Variants in MAN2B2 observed in about 807,000 individuals in gnomAD.
MAN2B2 encodes mannosidase alpha class 2B member 2.
Under a neutral mutation model 117.1 loss-of-function variants are expected in MAN2B2, and 106 were observed. The ratio of observed to expected loss-of-function variants is 0.90; its 90% CI spans 0.77 to 1.06. The LOEUF (loss-of-function observed/expected upper bound fraction) is 1.06. Among genes scored for constraint, MAN2B2 ranks in the 50% least tolerant of loss-of-function variants. The probability of loss-of-function intolerance (pLI) is 0.00; values close to 1 mark genes in which losing one functional copy is unlikely to be tolerated. For synonymous variants in MAN2B2, 544 were observed against 595.1 expected (o/e 0.91, Z 1.25); for missense variants, 1,326 against 1,381.4 (o/e 0.96, Z 0.64).
Position 6,587,041 on chromosome 4 carries a change from T to A in MAN2B2, c.437T>A (p.Phe146Tyr). 1 of 1,613,952 alleles carries A rather than the reference T, an allele frequency of 6.2e-7. No individual in the cohort carries two copies. The highest frequency in any genetic ancestry group is 8.5e-7 in the Non-Finnish European group (1 of 1,179,970). ...GAAACATTTGGGATCCGGCCACAGT[T>A]CTCCTGGCACGTTGACCCGTTTGGC... The part of the protein sequence containing the change: ...LYETFGIRPQ[F>Y]SWHVDPFGAS... The change falls in exon 4 of 19, where the codon TTC becomes TAC. Residue 146 changes from phenylalanine to tyrosine, a missense_variant. Phe to Tyr is a conservative substitution (Grantham distance 22). Transcript: ENST00000285599.
intron 3 of MAN2B2, among the ~76,000 whole-genome samples, chr4:6,582,808 C>G (rs1423721587): frequency 6.8e-6 from 1 of 147,772 alleles, no homozygotes; most frequent in Non-Finnish European, 1.5e-5. Flanking sequence ...CACCCCCTCA[C>G]CCCCCACCAC....
chr4:6,605,968 C>T (rs971577505), intron 11 of MAN2B2, among the ~76,000 whole-genome samples: 2 of 152,190 alleles, frequency 1.3e-5, no homozygotes, highest in Non-Finnish European at 2.9e-5. Flanking sequence ...TTGTGGACAT[C>T]AGAGTGGGCA....
intron 3 of MAN2B2, among the ~76,000 whole-genome samples, chr4:6,579,051 TCAC>T (rs1560634155): frequency 1.1e-3 from 36 of 34,172 alleles, no homozygotes; most frequent in Admixed American, 6.1e-3. Flanking sequence ...ATCACCACCA[TCAC>T]CACCACCATC....
At chr4:6,593,074 T>C in intron 5 of MAN2B2, 99 bp from the exon 6 acceptor site, 1 of 1,137,190 alleles carries the variant, frequency 8.8e-7, no homozygotes, top group Non-Finnish European at 1.3e-6. Flanking sequence ...TGAAATGATG[T>C]GCCAAGGTCC....
At chr4:6,590,749 G>A (rs74911832) in intron 5 of MAN2B2, among the ~76,000 whole-genome samples, 9,260 of 152,286 alleles carry the variant, frequency 0.061, 322 homozygotes, top group African/African-American at 0.089. Context: ...TTCCCCACCC[G>A]TTCCTGACGT....
intron 17 of MAN2B2, chr4:6,618,004 C>G (rs565796791): frequency 6.3e-6 from 1 of 159,978 alleles, no homozygotes; most frequent in Non-Finnish European, 1.4e-5. Context: ...TGTGCCACCA[C>G]GCCCGGCTAA....
chr4:6,577,442 C>A (rs2108855285), intron 2 of MAN2B2, among the ~76,000 whole-genome samples: 1 of 152,314 alleles, frequency 6.6e-6, no homozygotes, highest in South Asian at 2.1e-4. Flanking sequence ...GTGACTTGCT[C>A]AAGGGAGTGA....
At chr4:6,617,868 A>C (rs1162947530) in intron 17 of MAN2B2, 6 of 204,310 alleles carry the variant, frequency 2.9e-5, no homozygotes, top group South Asian at 6.0e-5. Flanking sequence ...TTTTTTTGAG[A>C]CCGAGTTTCG....
chr4:6,587,166 C>G lies in MAN2B2; in HGVS notation c.562C>G (p.Arg188Gly), dbSNP rs769944558. The change falls in exon 4 of 19, where the codon CGG becomes GGG. Residue 188 changes from arginine (R) to glycine (G), a missense_variant and splice_region_variant. By Grantham distance (125) the Arg-to-Gly change is moderately radical (BLOSUM62 -2). Coordinates refer to ENST00000285599, the MANE Select transcript of MAN2B2 (RefSeq NM_015274.3). ...YDLKAAMQEA[R>G]GLQFVWRGSP... ...CCTGAAGGCAGCCATGCAGGAGGCCCGGGTGAGTGGTGTGCCGCGTCTGCT... is the reference window on the plus strand; with the variant it reads ...CCTGAAGGCAGCCATGCAGGAGGCCGGGGTGAGTGGTGTGCCGCGTCTGCT... 1.2e-6 allele frequency: 2 copies of G among 1,612,332 alleles called. No homozygotes were observed. The highest frequency in any genetic ancestry group is 1.1e-5 in the South Asian group (1 of 90,942).
chr4:6,608,801 G>A (rs1157813234), intron 11 of MAN2B2, among the ~76,000 whole-genome samples: 3 of 152,162 alleles, frequency 2.0e-5, no homozygotes, highest in South Asian at 4.1e-4. Context: ...CACTGGTTTC[G>A]CTTGCAGACC....
At chr4:6,607,576 G>C (rs1177810986) in intron 11 of MAN2B2, among the ~76,000 whole-genome samples, 2 of 152,144 alleles carry the variant, frequency 1.3e-5, no homozygotes, top group Admixed American at 1.3e-4. Context: ...TCCTTTTCAT[G>C]GCAGAATACT....
In MAN2B2 at chr4:6,576,801, C is replaced by G. The variant is rs1269085135; in HGVS notation, c.285+77C>G. The G allele has an allele frequency of 5.1e-6, 8 of 1,562,226 alleles. No homozygotes were observed. In the East Asian group the frequency reaches 1.6e-4, roughly 31 times the overall value. ...AGGTGGAAAACTCAATGGGGCAGTTCTAGCCAGGGCCAGGGCCAGGCTGGC... is the reference window on the plus strand; with the variant it reads ...AGGTGGAAAACTCAATGGGGCAGTTGTAGCCAGGGCCAGGGCCAGGCTGGC... On this transcript the variant is annotated intron_variant, in intron 2 of 18. Coordinates refer to ENST00000285599, the MANE Select transcript of MAN2B2 (RefSeq NM_015274.3).
chr4:6,591,214 C>CGCT (rs1253431471), intron 5 of MAN2B2, among the ~76,000 whole-genome samples: 5 of 152,062 alleles, frequency 3.3e-5, no homozygotes, highest in Non-Finnish European at 5.9e-5. Flanking sequence ...GGGAATAAAT[C>CGCT]GCTCCTCATC....
intron 9 of MAN2B2, among the ~76,000 whole-genome samples, chr4:6,599,594 C>T (rs28634980): frequency 0.018 from 2,676 of 147,456 alleles, 101 homozygotes; most frequent in African/African-American, 0.063. Context: ...ACCCAGGAGG[C>T]GGAGCTTGCA....
At chr4:6,601,244 C>T (rs1245998930) in intron 10 of MAN2B2, among the ~76,000 whole-genome samples, 2 of 152,244 alleles carry the variant, frequency 1.3e-5, no homozygotes, top group Admixed American at 1.3e-4. Flanking sequence ...TGGCTCACGC[C>T]TGTAATCCAA....
At chr4:6,597,038 G>C (rs780885923) in intron 7 of MAN2B2, 75 bp from the exon 8 acceptor site, 54 of 1,430,622 alleles carry the variant, frequency 3.8e-5, no homozygotes, top group Non-Finnish European at 5.1e-5. Context: ...CAGCTTCTCA[G>C]CTCTTCCAGG....
At chr4:6,577,016 C>G (rs1471894577) in intron 2 of MAN2B2, among the ~76,000 whole-genome samples, 1 of 152,180 alleles carries the variant, frequency 6.6e-6, no homozygotes, top group Non-Finnish European at 1.5e-5. Flanking sequence ...GTCAGCAGTG[C>G]CCCCTGACAC....
chr4:6,593,235 C>A lies in MAN2B2; in HGVS notation c.743C>A (p.Pro248His). 1 of 1,613,964 alleles carries A rather than the reference C, an allele frequency of 6.2e-7. No homozygotes were observed. Among genetic ancestry groups the A allele is most frequent in the Middle Eastern group, 1.6e-4 (1 of 6,062 alleles). The change falls in exon 6 of 19, where the codon CCC (proline) becomes CAC (histidine). Residue 248 changes from proline (P) to histidine (H), a missense_variant. Pro to His is a moderately conservative substitution (Grantham distance 77). Coordinates refer to ENST00000285599, the MANE Select transcript of MAN2B2 (RefSeq NM_015274.3). ...FPKPPQDGVY[P>H]NMSEPVTPAN... ...AAGCCTCCCCAAGATGGGGTGTACC[C>A]CAACATGAGTGAGCCTGTCACCCCA...
rs376601093 is a variant in MAN2B2, at chr4:6,600,663, G to A, written c.1446G>A (p.Pro482=). Residue 482 remains proline (P), a synonymous_variant, in exon 10 of 19, where the codon CCG becomes CCA. Transcript: ENST00000285599. ...GACATTTTGCCTCGGTCTACAACCC[G>A]CTGGCCTGGACGGTCACCACCATCG... ...PAGHFASVYN[P]LAWTVTTIVT... 6.2e-6 allele frequency: 10 copies of A among 1,613,840 alleles called. No homozygotes were observed. Among genetic ancestry groups the A allele is most frequent in the East Asian group, 4.5e-5 (2 of 44,904 alleles).
Sources: allele counts gnomAD v4.1 joint callset (sites outside exome capture counted in the v4.1 genomes callset), GRCh38; gene constraint gnomAD v4.1.1; transcripts MANE v1.5; gene names NCBI Gene and HGNC (gene_info 2026-07-23, HGNC 2026-07-21).